The following RBFOX1 variants were observed in gnomAD, a reference collection of about 807,000 sequenced individuals.
RBFOX1 encodes the protein RNA binding protein fox-1 homolog 1.
A neutral mutation model predicts 57.7 loss-of-function variants in RBFOX1; 8 were observed. The ratio of observed to expected loss-of-function variants is 0.14; its 90% CI spans 0.08 to 0.25. The LOEUF (loss-of-function observed/expected upper bound fraction) is 0.25, where lower values mean the gene tolerates loss of function less well. RBFOX1 is among the 10% of genes least tolerant of loss of function. RBFOX1 has a pLI of 1.00. For missense variants in RBFOX1, 611 were observed against 548.5 expected (o/e 1.11, Z -1.14); for synonymous variants, 326 against 222.4 (o/e 1.47, Z -4.15).
intron 3 of RBFOX1, among the ~76,000 whole-genome samples, chr16:6,944,538 C>G (rs1272456266): frequency 1.3e-5 from 2 of 152,088 alleles, no homozygotes; most frequent in Non-Finnish European, 2.9e-5. Flanking sequence ...TGGTCACGAT[C>G]TGGTATATTT....
At chr16:7,020,845 G>A (rs1279114356) in intron 3 of RBFOX1, among the ~76,000 whole-genome samples, 1 of 152,118 alleles carries the variant, frequency 6.6e-6, no homozygotes, top group Non-Finnish European at 1.5e-5. Flanking sequence ...TTTTTCTCGA[G>A]GCCAGTCTTG....
intron 4 of RBFOX1, among the ~76,000 whole-genome samples, chr16:5,984,198 C>G (rs984082758): frequency 8.9e-6 from 1 of 112,324 alleles, no homozygotes; most frequent in African/African-American, 3.5e-5. Flanking sequence ...CTCTCCTTCC[C>G]CTCCCCCTTC....
intron 2 of RBFOX1, among the ~76,000 whole-genome samples, chr16:6,484,184 C>T (rs889854880): frequency 6.6e-6 from 1 of 152,140 alleles, no homozygotes; most frequent in African/African-American, 2.4e-5. Flanking sequence ...ATAGGCTAGC[C>T]ATGGTTTTGC....
At chr16:5,679,333 TC>T (rs1370775304) in intron 3 of RBFOX1, among the ~76,000 whole-genome samples, 1 of 149,744 alleles carries the variant, frequency 6.7e-6, no homozygotes, top group Non-Finnish European at 1.5e-5. Flanking sequence ...CAATTCTCTC[TC>T]TTTTTTTTTT....
chr16:6,253,087 C>G (rs1443981352), intron 1 of RBFOX1, among the ~76,000 whole-genome samples: 7 of 152,122 alleles, frequency 4.6e-5, no homozygotes, highest in Non-Finnish European at 1.0e-4. Flanking sequence ...CCTTCTTGAT[C>G]TATATATGTA....
intron 4 of RBFOX1, among the ~76,000 whole-genome samples, chr16:7,286,939 A>G (rs1377527039): frequency 1.3e-5 from 2 of 152,082 alleles, no homozygotes; most frequent in African/African-American, 4.8e-5. Context: ...CTGGGCTTCA[A>G]ACTTTAAAGA....
intron 3 of RBFOX1, among the ~76,000 whole-genome samples, chr16:6,935,794 G>C (rs2077268254): frequency 6.6e-6 from 1 of 152,178 alleles, no homozygotes; most frequent in Non-Finnish European, 1.5e-5. Context: ...GTCAAGCACA[G>C]AGCATGCATG....
At chr16:6,289,389 G>C (rs1033761027) in intron 1 of RBFOX1, among the ~76,000 whole-genome samples, 2 of 152,194 alleles carry the variant, frequency 1.3e-5, no homozygotes, top group South Asian at 2.1e-4. Flanking sequence ...TGTACCCTTT[G>C]CAGAATCAGT....
intron 5 of RBFOX1, among the ~76,000 whole-genome samples, chr16:7,552,199 C>G (rs1411484615): frequency 6.6e-6 from 1 of 152,146 alleles, no homozygotes; most frequent in Non-Finnish European, 1.5e-5. Context: ...CCTGATTTCT[C>G]TTTCCTTGTA....
chr16:5,605,300 C>T (rs1055598611), intron 3 of RBFOX1, among the ~76,000 whole-genome samples: 1 of 152,200 alleles, frequency 6.6e-6, no homozygotes, highest in Non-Finnish European at 1.5e-5. Context: ...TCTTTCTGCT[C>T]TCACGTCCCT....
At chr16:6,990,034 C>G (rs1291735888) in intron 3 of RBFOX1, among the ~76,000 whole-genome samples, 1 of 152,108 alleles carries the variant, frequency 6.6e-6, no homozygotes, top group East Asian at 1.9e-4. Flanking sequence ...CTGCAAACTA[C>G]TTGAAATATG....
At chr16:5,454,854 TTTTCTTTCTTTCTTTCTTTC>T (rs200680272) in intron 1 of RBFOX1, among the ~76,000 whole-genome samples, 3,873 of 67,260 alleles carry the variant, frequency 0.058, 154 homozygotes, top group Non-Finnish European at 0.072. Context: ...TCTTTCTTTC[TTTTCTTTCTTTCTTTCTTTC>T]TTTCTTTCTT....
At chr16:7,427,025 A>G (rs1256660408) in intron 4 of RBFOX1, among the ~76,000 whole-genome samples, 1 of 152,202 alleles carries the variant, frequency 6.6e-6, no homozygotes, top group Non-Finnish European at 1.5e-5. Context: ...CAGAAAACCA[A>G]ACACTGCGTG....
Position 5,297,002 on chromosome 16 carries a change from G to C in RBFOX1, c.219+56897G>C, listed in dbSNP as rs1312790502. Among the ~76,000 whole-genome samples the C allele has an allele frequency of 2.6e-5, 4 of 152,182 alleles. No homozygotes were observed. The East Asian group carries it at 7.7e-4, about 29-fold the overall frequency. On this transcript the variant is annotated intron_variant, in intron 1 of 2. Transcript: ENST00000585867. ...ACTTTTTTAGATTCCACATGTATTT[G>C]AGATCTTGTGGTTATTTGTCTTTCT... is the stretch of plus-strand genomic sequence containing the variant.
At chr16:5,944,670 C>G (rs9928826) in intron 4 of RBFOX1, among the ~76,000 whole-genome samples, 4 of 151,106 alleles carry the variant, frequency 2.6e-5, no homozygotes, top group African/African-American at 7.3e-5. Flanking sequence ...GAAAGCTATT[C>G]TCGGCCAGGT....
At chr16:5,730,481 A>G (rs180903094) in intron 3 of RBFOX1, among the ~76,000 whole-genome samples, 79 of 152,304 alleles carry the variant, frequency 5.2e-4, no homozygotes, top group African/African-American at 1.8e-3. Context: ...CTATGATCCT[A>G]TCAGTGTCCA....
chr16:5,483,169 C>A (rs780418229), intron 2 of RBFOX1, among the ~76,000 whole-genome samples: 3 of 152,168 alleles, frequency 2.0e-5, no homozygotes, highest in African/African-American at 4.8e-5. Context: ...TGTTCTCATC[C>A]TCGGAGTCCA....
intron 5 of RBFOX1, among the ~76,000 whole-genome samples, chr16:7,527,777 C>T (rs986149818): frequency 6.6e-6 from 1 of 152,066 alleles, no homozygotes; most frequent in African/African-American, 2.4e-5. Flanking sequence ...ACCAGATCGA[C>T]CATCCTAATT....
At chr16:6,866,693 C>T (rs138232586) in intron 3 of RBFOX1, among the ~76,000 whole-genome samples, 3,045 of 151,868 alleles carry the variant, frequency 0.02, 48 homozygotes, top group Non-Finnish European at 0.031. Flanking sequence ...AGGCGCCTGC[C>T]ACCACGCCTG....
Sources: allele counts gnomAD v4.1 joint callset (sites outside exome capture counted in the v4.1 genomes callset), GRCh38; gene constraint gnomAD v4.1.1; transcripts MANE v1.5; gene names NCBI Gene and HGNC (gene_info 2026-07-23, HGNC 2026-07-21).